The following ORC3 variants were observed in gnomAD, a reference collection of about 807,000 sequenced individuals.
ORC3 encodes the protein origin recognition complex subunit 3.
In ORC3, 78 loss-of-function variants were observed where a neutral mutation model predicts 100.7. That is an observed-to-expected ratio of 0.77 (90% CI 0.65 to 0.94). The LOEUF is 0.94. ORC3 is among the 40% of genes least tolerant of loss of function. ORC3 has a pLI of 0.00. For missense variants in ORC3, 789 were observed against 823.9 expected (o/e 0.96, Z 0.52); for synonymous variants, 295 against 289.3 (o/e 1.02, Z -0.20).
At chr6:87,676,596 A>AACACACACACACACACACACACACACAC in the ORC3 span, among the ~76,000 whole-genome samples, 17 of 142,144 alleles carry the variant, frequency 1.2e-4, no homozygotes, top group East Asian at 1.0e-3. Flanking sequence ...CTCTACTAAA[A>AACACACACACACACACACACACACACAC]ACACACACAC....
intron 4 of ORC3, 112 bp downstream of exon 4, chr6:87,603,640 C>A: frequency 1.8e-6 from 1 of 557,190 alleles, no homozygotes; most frequent in South Asian, 5.3e-5. Context: ...TATTTTGTCT[C>A]TCTTATTTGT....
At chr6:87,663,514 C>T (rs1464957364) in intron 17 of ORC3, among the ~76,000 whole-genome samples, 1 of 152,232 alleles carries the variant, frequency 6.6e-6, no homozygotes, top group African/African-American at 2.4e-5. Context: ...TAATAAATTA[C>T]TGAAAGACCG....
intron 3 of ORC3, among the ~76,000 whole-genome samples, chr6:87,602,692 A>G (rs1371857593): frequency 6.6e-6 from 1 of 151,628 alleles, no homozygotes; most frequent in Non-Finnish European, 1.5e-5. Flanking sequence ...GGATTGTTAT[A>G]TCCTCCTGAC....
intron 2 of ORC3, among the ~76,000 whole-genome samples, chr6:87,598,608 C>T (rs1777641445): frequency 6.7e-6 from 1 of 148,730 alleles, no homozygotes; most frequent in African/African-American, 2.5e-5. Context: ...ACTAGTAAAC[C>T]TGATGTGTAT....
chr6:87,623,552 C>CA (rs1173859225), intron 11 of ORC3, among the ~76,000 whole-genome samples: 1 of 152,080 alleles, frequency 6.6e-6, no homozygotes, highest in Non-Finnish European at 1.5e-5. Context: ...ATTGAGATGA[C>CA]AGAGGGAGAG....
At chr6:87,666,195 G>A (rs35324020) in intron 19 of ORC3, among the ~76,000 whole-genome samples, 4,798 of 152,238 alleles carry the variant, frequency 0.032, 97 homozygotes, top group Middle Eastern at 0.054. Context: ...GCAGTAGTGC[G>A]ATCTTGGCTG....
chr6:87,613,668 C>T (rs1778946790), intron 8 of ORC3, among the ~76,000 whole-genome samples: 1 of 152,114 alleles, frequency 6.6e-6, no homozygotes, highest in Non-Finnish European at 1.5e-5. Flanking sequence ...ACAGCCATTC[C>T]AAATGGGAGA....
At chr6:87,656,731 T>C (rs756540719) in intron 14 of ORC3, among the ~76,000 whole-genome samples, 175 bp from the exon 15 acceptor site, 5 of 152,208 alleles carry the variant, frequency 3.3e-5, no homozygotes, top group Non-Finnish European at 7.3e-5. Flanking sequence ...GCACAAGTTA[T>C]ATATTATTGG....
chr6:87,672,990 G>T, the ORC3 span, among the ~76,000 whole-genome samples: 12 of 151,898 alleles, frequency 7.9e-5, no homozygotes, highest in Non-Finnish European at 1.5e-4. Flanking sequence ...GGGATTTGGG[G>T]AATTCAGAAT....
At chr6:87,638,648 T>G (rs1767999888) in intron 13 of ORC3, among the ~76,000 whole-genome samples, 1 of 152,332 alleles carries the variant, frequency 6.6e-6, no homozygotes, top group South Asian at 2.1e-4. Context: ...TTCAAAACTT[T>G]ATGAGCACTT....
At position 87,663,058 on chromosome 6, in the gene ORC3, G is replaced by A; in HGVS notation, c.1747G>A (p.Ala583Thr). 6.2e-7 allele frequency: 1 copy of A among 1,613,036 alleles called. No individual in the cohort carries two copies. Among genetic ancestry groups the A allele is most frequent in the South Asian group, 1.1e-5 (1 of 91,022 alleles). ...TCTCCATGAGGTGGTGTACTTCAGT[G>A]CTGCCCATGCCCTTCGTGAGCATTT... Reference protein sequence around the residue: ...QPLHEVVYFSAAHALREHLNA... With the variant: ...QPLHEVVYFSTAHALREHLNA... Residue 583 changes from alanine (A) to threonine (T), a missense_variant, in exon 17 of 20, where the codon GCT becomes ACT. Coordinates refer to ENST00000392844, the MANE Select transcript of ORC3 (RefSeq NM_012381.4).
intron 1 of ORC3, among the ~76,000 whole-genome samples, chr6:87,592,278 A>G (rs1215813222): frequency 1.3e-5 from 2 of 152,202 alleles, no homozygotes; most frequent in Non-Finnish European, 1.5e-5. Context: ...ATGGTATCAC[A>G]TGATTTTTCT....
At chr6:87,655,722 G>C (rs1037738048) in intron 14 of ORC3, among the ~76,000 whole-genome samples, 2 of 150,264 alleles carry the variant, frequency 1.3e-5, no homozygotes, top group African/African-American at 4.9e-5. Flanking sequence ...GCCTGGTCTC[G>C]AACTCCTTGT....
At chr6:87,666,320 CG>C (rs1210868978) in intron 19 of ORC3, among the ~76,000 whole-genome samples, 1 of 150,598 alleles carries the variant, frequency 6.6e-6, no homozygotes, top group South Asian at 2.1e-4. Flanking sequence ...TTAGTAGAGA[CG>C]GGGTTTCACC....
chr6:87,657,811 T>A (rs1381526436), intron 15 of ORC3, 110 bp from the exon 16 acceptor site: 2 of 583,252 alleles, frequency 3.4e-6, no homozygotes, highest in African/African-American at 3.7e-5. Flanking sequence ...CTGTACATCC[T>A]GTCTTATGGA....
intron 13 of ORC3, among the ~76,000 whole-genome samples, chr6:87,644,079 C>CTTTTTTTTTTTTTTT (rs1156943778): frequency 1.2e-4 from 6 of 51,420 alleles, no homozygotes; most frequent in Admixed American, 2.7e-4. Context: ...GCTGACTGTC[C>CTTTTTTTTTTTTTTT]TTTTTTTTTT....
At chr6:87,616,484 A>G (rs1779161931) in intron 9 of ORC3, 57 bp downstream of exon 9, 1 of 748,538 alleles carries the variant, frequency 1.3e-6, no homozygotes, top group African/African-American at 1.7e-5. Flanking sequence ...TAATTTGCAC[A>G]TTATTTCAGG....
intron 16 of ORC3, among the ~76,000 whole-genome samples, chr6:87,659,058 ATTTTTTT>A (rs71021316): frequency 2.1e-5 from 2 of 93,288 alleles, no homozygotes; most frequent in African/African-American, 5.0e-5. Context: ...GTTTATTGTA[ATTTTTTT>A]TTTTTTTTTT....
chr6:87,652,927 A>G (rs1366073977), intron 13 of ORC3, among the ~76,000 whole-genome samples, 189 bp from the exon 14 acceptor site: 2 of 152,232 alleles, frequency 1.3e-5, no homozygotes, highest in East Asian at 1.9e-4. Flanking sequence ...TTATCATGAG[A>G]ACCCTTCAAG....
Sources: allele counts gnomAD v4.1 joint callset (sites outside exome capture counted in the v4.1 genomes callset), GRCh38; gene constraint gnomAD v4.1.1; transcripts MANE v1.5; gene names NCBI Gene and HGNC (gene_info 2026-07-23, HGNC 2026-07-21).